AUTS2: variants seen among roughly 807,000 people sequenced by gnomAD.
AUTS2 encodes the protein autism susceptibility gene 2 protein.
A neutral mutation model predicts 112.4 loss-of-function variants in AUTS2; 17 were observed. That is an observed-to-expected ratio of 0.15 (90% CI 0.10 to 0.23). AUTS2 has a LOEUF of 0.23. AUTS2 is among the 10% of genes least tolerant of loss of function. The pLI is 1.00. For synonymous variants in AUTS2, 751 were observed against 702.7 expected (o/e 1.07, Z -1.09); for missense variants, 1,510 against 1,701.6 (o/e 0.89, Z 1.98).
At position 70,582,039 on chromosome 7, in the gene AUTS2, T is replaced by A. The variant is rs374506373; in HGVS notation, c.691-116530T>A. ...TAGAGCTTGTCTTACCCAACCCACT[T>A]TTTTTTTTTTTTTTTTAACCAGAGA... On this transcript the variant is annotated intron_variant, in intron 5 of 18. Transcript: ENST00000342771. Among the ~76,000 whole-genome samples, 72 of 143,420 alleles carry A rather than the reference T, an allele frequency of 5.0e-4. 2 individuals carry two copies. In the South Asian group the frequency reaches 0.015, roughly 31 times the overall value. The allele number at this position is 143,420 out of a possible 152,430, so 94.1% of individuals were successfully genotyped here.
rs1808989703 is a variant in AUTS2, at chr7:70,176,407, A to G, written c.660+41836A>G. Among the ~76,000 whole-genome samples, 3 of 152,164 alleles carry G rather than the reference A, an allele frequency of 2.0e-5. No individual in the cohort carries two copies. The South Asian group carries it at 6.2e-4, about 31-fold the overall frequency. ...CTCATTCTTTACACTTTTACTCAAA[A>G]GCTCTTAACTCTAGAGACAGTCTTT... On this transcript the variant is annotated intron_variant, in intron 4 of 18. Coordinates refer to ENST00000342771, the MANE Select transcript of AUTS2 (RefSeq NM_015570.4).
At chr7:70,266,860 C>T (rs1038437267) in intron 4 of AUTS2, among the ~76,000 whole-genome samples, 4 of 152,122 alleles carry the variant, frequency 2.6e-5, no homozygotes, top group South Asian at 2.1e-4. Flanking sequence ...TTTGACTTAA[C>T]GAGAGCCTGA....
chr7:69,801,218 C>A (rs367562117), intron 1 of AUTS2, among the ~76,000 whole-genome samples: 1 of 149,434 alleles, frequency 6.7e-6, no homozygotes, highest in East Asian at 1.9e-4. Context: ...GGGTGACTGG[C>A]AGGGATCTAG....
At chr7:70,211,996 A>C (rs1261302539) in intron 4 of AUTS2, among the ~76,000 whole-genome samples, 1 of 152,210 alleles carries the variant, frequency 6.6e-6, no homozygotes, top group African/African-American at 2.4e-5. Context: ...AAAGAGAGAG[A>C]GAGACAGCAT....
chr7:69,852,156 C>G (rs1448350316), intron 1 of AUTS2, among the ~76,000 whole-genome samples: 1 of 152,046 alleles, frequency 6.6e-6, no homozygotes, highest in East Asian at 1.9e-4. Flanking sequence ...CCTTTCTATT[C>G]TTGGTTTTTA....
chr7:70,683,511 T>C lies in AUTS2; in HGVS notation c.691-15058T>C, dbSNP rs536682660. ...AGCAGTATCTTGTTCCCAGTGAGGATACGTGTGCCCCTAAAGGAATGGCAG... is the reference window on the plus strand; with the variant it reads ...AGCAGTATCTTGTTCCCAGTGAGGACACGTGTGCCCCTAAAGGAATGGCAG... On this transcript the variant is annotated intron_variant, in intron 5 of 18. Coordinates refer to ENST00000342771, the MANE Select transcript of AUTS2 (RefSeq NM_015570.4). 2.6e-5 allele frequency among the ~76,000 whole-genome samples: 4 copies of C among 152,334 alleles called. No homozygotes were observed. In the East Asian group the frequency reaches 5.8e-4, roughly 22 times the overall value.
intron 5 of AUTS2, among the ~76,000 whole-genome samples, chr7:70,668,218 A>G (rs1585473244): frequency 6.6e-6 from 1 of 152,336 alleles, no homozygotes; most frequent in South Asian, 2.1e-4. Context: ...ACCTCAGATG[A>G]TCTGCCTGCG....
At chr7:69,608,610 A>T (rs1208917064) in intron 1 of AUTS2, among the ~76,000 whole-genome samples, 1 of 152,212 alleles carries the variant, frequency 6.6e-6, no homozygotes, top group African/African-American at 2.4e-5. Context: ...TTACAAAGAA[A>T]AAAGTAAGAA....
In AUTS2 at chr7:70,747,177, C is replaced by T. The variant is rs1251894554; in HGVS notation, c.743-15693C>T. Among the ~76,000 whole-genome samples the T allele has an allele frequency of 2.0e-5, 3 of 152,132 alleles. No individual in the cohort carries two copies. The East Asian group carries it at 5.8e-4, about 29-fold the overall frequency. On this transcript the variant is annotated intron_variant, in intron 6 of 18. Transcript: ENST00000342771. ...TCTTGAAGAAGAAACAAATGAAGGC[C>T]GTATTACCTTCTGCCTTCTTTTTTG...
rs1164356683 is a variant in AUTS2, at chr7:69,872,834, C to CTTTTTTTTTTTTTTTT, written c.310-26441_310-26426dup. On this transcript the variant is annotated intron_variant, in intron 1 of 18. Transcript: ENST00000342771. The stretch of plus-strand genomic sequence containing the variant: ...GGTGGCACTTGATGTAGCCTATATT[C>CTTTTTTTTTTTTTTTT]TTTTTTTTTTTTTTTTTTTTTTTTT... Among the ~76,000 whole-genome samples, 59 of 70,422 alleles carry CTTTTTTTTTTTTTTTT rather than the reference C, an allele frequency of 8.4e-4. 8 individuals are homozygous for CTTTTTTTTTTTTTTTT. Among genetic ancestry groups the CTTTTTTTTTTTTTTTT allele is most frequent in the African/African-American group, 1.5e-3 (24 of 16,056 alleles). 46.2% of individuals were successfully genotyped at this position (70,422 alleles called of 152,430 possible).
At chr7:70,220,365 A>G (rs79893442) in intron 4 of AUTS2, among the ~76,000 whole-genome samples, 2,183 of 152,286 alleles carry the variant, frequency 0.014, 29 homozygotes, top group Non-Finnish European at 0.02. Flanking sequence ...GCTGCATGCC[A>G]GCGTCACTCC....
At chr7:70,786,494 G>A (rs2129560821) in intron 17 of AUTS2, among the ~76,000 whole-genome samples, 1 of 152,252 alleles carries the variant, frequency 6.6e-6, no homozygotes, top group South Asian at 2.1e-4. Context: ...GGATAATCAA[G>A]ATTTGGCACC....
intron 4 of AUTS2, among the ~76,000 whole-genome samples, chr7:70,316,563 A>C (rs968578446): frequency 2.0e-5 from 3 of 151,762 alleles, no homozygotes; most frequent in African/African-American, 7.3e-5. Flanking sequence ...ACATCTGGTT[A>C]AATTTTTTGT....
chr7:69,598,601 T>G lies in AUTS2; in HGVS notation c.-1053T>G. The G allele has an allele frequency of 5.8e-6, 1 of 171,532 alleles. No individual in the cohort carries two copies. The highest frequency in any genetic ancestry group is 9.6e-5 in the South Asian group (1 of 10,414). The allele number at this position is 171,532 out of a possible 1,614,324, so 10.6% of individuals were successfully genotyped here. ...CGGCGGCGAGAGCAGCGTTCCCGGC[T>G]GCGCTTCTCCCTCAGGCGGGGCGGC... On this transcript the variant is annotated 5_prime_UTR_variant, in exon 1 of 19. Coordinates refer to ENST00000342771, the MANE Select transcript of AUTS2 (RefSeq NM_015570.4).
chr7:69,717,371 C>G (rs1701748730), intron 1 of AUTS2, among the ~76,000 whole-genome samples: 1 of 152,200 alleles, frequency 6.6e-6, no homozygotes, highest in South Asian at 2.1e-4. Flanking sequence ...TTGCCACTAG[C>G]TCTCTGGGTG....
At chr7:70,609,249 C>T (rs1263564073) in intron 5 of AUTS2, among the ~76,000 whole-genome samples, 4 of 152,106 alleles carry the variant, frequency 2.6e-5, no homozygotes, top group East Asian at 1.9e-4. Context: ...AACCACCATT[C>T]GACTTTTTGC....
intron 4 of AUTS2, among the ~76,000 whole-genome samples, chr7:70,151,150 C>G (rs539581329): frequency 4.9e-4 from 74 of 152,200 alleles, no homozygotes; most frequent in African/African-American, 1.8e-3. Flanking sequence ...ATTCAAAGGA[C>G]AGAGTATTAG....
chr7:69,831,737 G>T (rs1456429774), intron 1 of AUTS2, among the ~76,000 whole-genome samples: 1 of 151,952 alleles, frequency 6.6e-6, no homozygotes, highest in Non-Finnish European at 1.5e-5. Context: ...GGAGAAATTA[G>T]AATTATCCAT....
intron 5 of AUTS2, among the ~76,000 whole-genome samples, chr7:70,496,848 GTC>G (rs149769600): frequency 2.2e-4 from 13 of 58,578 alleles, no homozygotes; most frequent in South Asian, 1.1e-3. Flanking sequence ...CACGTACACA[GTC>G]ACACACACAC....
Sources: allele counts gnomAD v4.1 joint callset (sites outside exome capture counted in the v4.1 genomes callset), GRCh38; gene constraint gnomAD v4.1.1; transcripts MANE v1.5; gene names NCBI Gene and HGNC (gene_info 2026-07-23, HGNC 2026-07-21).